The following MLLT10 variants were observed in gnomAD, a reference collection of about 807,000 sequenced individuals.
MLLT10 encodes the protein MLLT10 histone lysine methyltransferase DOT1L cofactor, also known as protein AF-10.
A neutral mutation model predicts 129.1 loss-of-function variants in MLLT10; 30 were observed. The observed-to-expected ratio is 0.23, with a 90% confidence interval of 0.17 to 0.32. MLLT10 has a LOEUF of 0.32. Ranked by LOEUF, MLLT10 falls within the 10% of genes least tolerant of loss-of-function variation. The pLI, the probability that MLLT10 is intolerant of heterozygous loss-of-function variation, is 1.00. For missense variants in MLLT10, 1,119 were observed against 1,268.3 expected (o/e 0.88, Z 1.79); for synonymous variants, 490 against 446.4 (o/e 1.10, Z -1.23).
intron 3 of MLLT10, among the ~76,000 whole-genome samples, chr10:21,545,388 T>C (rs1156291383): frequency 6.6e-6 from 1 of 150,616 alleles, no homozygotes; most frequent in Non-Finnish European, 1.5e-5. Context: ...GAAAGAAAAG[T>C]TGATAGTGAC....
chr10:21,694,226 A>G (rs571922255), intron 13 of MLLT10, among the ~76,000 whole-genome samples: 1 of 152,338 alleles, frequency 6.6e-6, no homozygotes, highest in South Asian at 2.1e-4. Context: ...AGAACAGAAA[A>G]TTAACACTGC....
rs939972644 is a variant in MLLT10, at chr10:21,698,045, A to G, written c.1700-15727A>G. Among the ~76,000 whole-genome samples, 11 of 152,310 alleles carry G rather than the reference A, an allele frequency of 7.2e-5. No homozygotes were observed. The East Asian group carries it at 2.1e-3, about 29-fold the overall frequency. ...GGGGTATCCATCACCTCGAATGTTT[A>G]TCATTTCTGTGTGTTGGCAACATTT... On this transcript the variant is annotated intron_variant, in intron 13 of 22. Coordinates refer to ENST00000307729, the MANE Select transcript of MLLT10 (RefSeq NM_001195626.3).
chr10:21,550,812 G>A (rs1056899850), intron 3 of MLLT10, among the ~76,000 whole-genome samples: 2 of 152,050 alleles, frequency 1.3e-5, no homozygotes, highest in South Asian at 2.1e-4. Flanking sequence ...GATTACAGAC[G>A]TGAGCTATGG....
At chr10:21,538,243 C>T (rs1019651901) in intron 2 of MLLT10, among the ~76,000 whole-genome samples, 4 of 151,444 alleles carry the variant, frequency 2.6e-5, no homozygotes, top group African/African-American at 9.7e-5. Flanking sequence ...TACCTCACTG[C>T]AACCTCTGCC....
chr10:21,664,436 C>G (rs1423711274), intron 9 of MLLT10, among the ~76,000 whole-genome samples: 1 of 151,436 alleles, frequency 6.6e-6, no homozygotes, highest in Non-Finnish European at 1.5e-5. Flanking sequence ...GTCTCAGCCT[C>G]CCAAGTAGCT....
chr10:21,611,807 C>G (rs927153480), intron 5 of MLLT10, among the ~76,000 whole-genome samples: 1 of 152,262 alleles, frequency 6.6e-6, no homozygotes. Context: ...CATATGTCAG[C>G]TTGGTGGGGC....
intron 14 of MLLT10, among the ~76,000 whole-genome samples, chr10:21,715,334 A>G (rs2056457933): frequency 6.6e-6 from 1 of 152,252 alleles, no homozygotes; most frequent in Non-Finnish European, 1.5e-5. Context: ...TGAAGATGAA[A>G]GTGAACTATT....
chr10:21,652,751 C>T (rs750861027), intron 9 of MLLT10, among the ~76,000 whole-genome samples: 19 of 152,118 alleles, frequency 1.2e-4, no homozygotes, highest in Non-Finnish European at 2.4e-4. Flanking sequence ...TTTGAAAGGA[C>T]CTCTGGCTGC....
At chr10:21,736,481 A>G (rs1181210832) in intron 21 of MLLT10, among the ~76,000 whole-genome samples, 1 of 152,082 alleles carries the variant, frequency 6.6e-6, no homozygotes, top group African/African-American at 2.4e-5. Context: ...ACAGGGTTTC[A>G]CCATGTTGCC....
chr10:21,700,202 G>T (rs556442371), intron 13 of MLLT10, among the ~76,000 whole-genome samples: 28 of 150,980 alleles, frequency 1.9e-4, no homozygotes, highest in African/African-American at 6.8e-4. Flanking sequence ...AACAGTACTG[G>T]TTTTTGTATG....
chr10:21,597,428 A>C (rs1376512585), intron 5 of MLLT10, among the ~76,000 whole-genome samples: 5 of 152,080 alleles, frequency 3.3e-5, no homozygotes, highest in Non-Finnish European at 5.9e-5. Flanking sequence ...GGAGTGTAGT[A>C]GCGCAGTCTC....
rs781191649 is a variant in MLLT10, at chr10:21,674,966, TAAAC to T, written c.1621+1055_1621+1058del. 3.6e-5 allele frequency among the ~76,000 whole-genome samples: 4 copies of T among 110,852 alleles called. No individual in the cohort carries two copies. In the South Asian group the frequency reaches 7.3e-4, roughly 20 times the overall value. 72.7% of individuals were successfully genotyped at this position (110,852 alleles called of 152,430 possible). A position where few individuals can be genotyped will look rare whatever the true frequency, so the allele number is the denominator to read the frequency against. ...TGTGAATACACAGTAGTAACTTCAA[TAAAC>T]AAACAAATAAATAAACAAATAAGAA... On this transcript the variant is annotated intron_variant, in intron 11 of 22. Coordinates refer to ENST00000307729, the MANE Select transcript of MLLT10 (RefSeq NM_001195626.3).
At chr10:21,693,558 C>T (rs976979635) in intron 13 of MLLT10, among the ~76,000 whole-genome samples, 1 of 152,038 alleles carries the variant, frequency 6.6e-6, no homozygotes, top group Non-Finnish European at 1.5e-5. Flanking sequence ...AGCACACACT[C>T]GTTTAAGATC....
At chr10:21,545,848 G>T (rs2035982675) in intron 3 of MLLT10, among the ~76,000 whole-genome samples, 1 of 152,078 alleles carries the variant, frequency 6.6e-6, no homozygotes, top group Non-Finnish European at 1.5e-5. Context: ...AAAATTTTTG[G>T]TAAAGATAAG....
intron 9 of MLLT10, among the ~76,000 whole-genome samples, chr10:21,658,213 C>T (rs919543816): frequency 2.0e-5 from 3 of 152,164 alleles, no homozygotes; most frequent in Admixed American, 1.3e-4. Flanking sequence ...AGTGAAACTA[C>T]CACCACAATC....
intron 8 of MLLT10, among the ~76,000 whole-genome samples, chr10:21,628,637 T>A (rs1335869409): frequency 6.6e-6 from 1 of 152,008 alleles, no homozygotes; most frequent in African/African-American, 2.4e-5. Flanking sequence ...AGATGGGGTT[T>A]TGCCATGTCG....
At chr10:21,738,840 A>G (rs531436580) in intron 21 of MLLT10, among the ~76,000 whole-genome samples, 6 of 152,172 alleles carry the variant, frequency 3.9e-5, no homozygotes, top group Admixed American at 6.5e-5. Flanking sequence ...CTTCAGCCTG[A>G]GAGTGCCCAA....
At chr10:21,719,552 A>G (rs945457977) in intron 14 of MLLT10, among the ~76,000 whole-genome samples, 1 of 152,182 alleles carries the variant, frequency 6.6e-6, no homozygotes, top group African/African-American at 2.4e-5. Context: ...CTCCTTGGAA[A>G]ACGTTGTTAG....
intron 13 of MLLT10, among the ~76,000 whole-genome samples, chr10:21,696,131 G>A (rs750814372): frequency 1.6e-4 from 24 of 151,994 alleles, no homozygotes; most frequent in African/African-American, 5.1e-4. Flanking sequence ...GAGACAGGCC[G>A]ACTCTGCTAA....
Sources: gnomAD v4.1 joint callset for allele counts (sites outside exome capture counted in the v4.1 genomes callset) on GRCh38, gnomAD v4.1.1 for gene constraint, MANE v1.5 for transcripts, NCBI Gene and HGNC (gene_info 2026-07-23, HGNC 2026-07-21) for gene names.